Variants in ABCC1 observed in about 807,000 individuals in gnomAD.
ABCC1 encodes the protein ATP binding cassette subfamily C member 1 (ABCC1 blood group).
In ABCC1, 83 loss-of-function variants were observed where a neutral mutation model predicts 172.9. The ratio of observed to expected loss-of-function variants is 0.48; its 90% CI spans 0.40 to 0.58. The LOEUF is 0.58. Among genes scored for constraint, ABCC1 ranks in the 20% least tolerant of loss-of-function variants. The pLI, the probability that ABCC1 is intolerant of heterozygous loss-of-function variation, is 0.00. For synonymous variants in ABCC1, 937 were observed against 825.2 expected (o/e 1.14, Z -2.32); for missense variants, 1,817 against 2,002.7 (o/e 0.91, Z 1.77).
intron 23 of ABCC1, among the ~76,000 whole-genome samples, chr16:16,119,021 A>G (rs1439110336): frequency 6.6e-6 from 1 of 152,216 alleles, no homozygotes; most frequent in African/African-American, 2.4e-5. Context: ...ATATAATTAT[A>G]CAATTTATGG....
At position 16,067,126 on chromosome 16, in the gene ABCC1, T is replaced by G. The variant is rs559037049; in HGVS notation, c.1678-1030T>G. On this transcript the variant is annotated intron_variant, in intron 12 of 30. Transcript: ENST00000399410. ...CTAGCCGGGCATGGTGGTATGCGCC[T>G]GTAGTCCTAGCTACTCGGGAGGCTG... 3.9e-5 allele frequency among the ~76,000 whole-genome samples: 6 copies of G among 152,266 alleles called. No individual in the cohort carries two copies. In the East Asian group the frequency reaches 1.2e-3, roughly 29 times the overall value.
At chr16:16,104,313 G>T (rs964580633) in intron 20 of ABCC1, among the ~76,000 whole-genome samples, 4 of 152,180 alleles carry the variant, frequency 2.6e-5, no homozygotes, top group African/African-American at 9.7e-5. Context: ...TTTACAGAGA[G>T]CCGATTGGTC....
At chr16:16,107,127 C>T (rs757989993) in intron 21 of ABCC1, among the ~76,000 whole-genome samples, 27 of 152,230 alleles carry the variant, frequency 1.8e-4, no homozygotes, top group Non-Finnish European at 3.4e-4. Flanking sequence ...AGTCTCTGCT[C>T]TATTGACTGC....
At chr16:15,984,239 G>A (rs1345874879) in intron 1 of ABCC1, among the ~76,000 whole-genome samples, 1 of 152,128 alleles carries the variant, frequency 6.6e-6, no homozygotes, top group Non-Finnish European at 1.5e-5. Flanking sequence ...ACAGATGTGC[G>A]GCAGCCTCCA....
chr16:16,067,971 C>T (rs970203068), intron 12 of ABCC1, among the ~76,000 whole-genome samples, 185 bp from the exon 13 acceptor site: 12 of 152,132 alleles, frequency 7.9e-5, no homozygotes, highest in African/African-American at 2.4e-4. Context: ...AGTTCATTCC[C>T]AGAGTGTTTA....
intron 6 of ABCC1, among the ~76,000 whole-genome samples, chr16:16,033,710 G>T (rs908790204): frequency 6.6e-6 from 1 of 151,738 alleles, no homozygotes; most frequent in African/African-American, 2.4e-5. Flanking sequence ...ACAAGTCTCC[G>T]CCTCCCAGGT....
chr16:16,015,610 G>T (rs1410416077), intron 4 of ABCC1, among the ~76,000 whole-genome samples: 3 of 152,200 alleles, frequency 2.0e-5, no homozygotes, highest in African/African-American at 7.2e-5. Flanking sequence ...AAAGTGCCTC[G>T]CAGGGGACTG....
At chr16:16,054,399 T>C (rs1299666212) in intron 11 of ABCC1, among the ~76,000 whole-genome samples, 1 of 152,208 alleles carries the variant, frequency 6.6e-6, no homozygotes, top group Non-Finnish European at 1.5e-5. Flanking sequence ...CTGTGCCGTA[T>C]AGCTTCAATT....
At chr16:16,140,614 C>T (rs559940786) in intron 30 of ABCC1, among the ~76,000 whole-genome samples, 1 of 152,312 alleles carries the variant, frequency 6.6e-6, no homozygotes, top group East Asian at 1.9e-4. Flanking sequence ...TCAAATCTTA[C>T]AGGACCTAAA....
At chr16:16,077,683 G>A (rs929399897) in intron 15 of ABCC1, among the ~76,000 whole-genome samples, 1 of 152,170 alleles carries the variant, frequency 6.6e-6, no homozygotes, top group Admixed American at 6.5e-5. Context: ...AGTGTCATAA[G>A]AATGAAACAA....
chr16:15,983,876 T>C (rs2046685970), intron 1 of ABCC1, among the ~76,000 whole-genome samples: 3 of 152,020 alleles, frequency 2.0e-5, no homozygotes, highest in African/African-American at 7.3e-5. Context: ...TTTTAAAGAC[T>C]AAATTCCCTT....
chr16:16,142,750 C>A lies in ABCC1; in HGVS notation c.*1469C>A, dbSNP rs149585047. ...TTGAAACCGTGTTGGTCTCTGTGTTCCTGGAAGAAAACAGGGAAGCAGCAT... is the reference window on the plus strand; with the variant it reads ...TTGAAACCGTGTTGGTCTCTGTGTTACTGGAAGAAAACAGGGAAGCAGCAT... On this transcript the variant is annotated 3_prime_UTR_variant, in exon 31 of 31. Transcript: ENST00000399410. 6.6e-6 allele frequency: 1 copy of A among 152,206 alleles called. No individual in the cohort carries two copies. The highest frequency in any genetic ancestry group is 6.6e-5 in the Admixed American group (1 of 15,260). The allele number at this position is 152,206 out of a possible 1,614,324, so 9.4% of individuals were successfully genotyped here. A position where few individuals can be genotyped will look rare whatever the true frequency, so the allele number is the denominator to read the frequency against.
chr16:15,992,212 C>G (rs1283808066), intron 1 of ABCC1, among the ~76,000 whole-genome samples: 1 of 151,478 alleles, frequency 6.6e-6, no homozygotes. Context: ...CATCTAGTTG[C>G]AGGAAAACAA....
chr16:16,087,276 G>T (rs1048746342), intron 18 of ABCC1, among the ~76,000 whole-genome samples: 2 of 152,162 alleles, frequency 1.3e-5, no homozygotes, highest in African/African-American at 4.8e-5. Context: ...TCTTAGCGGG[G>T]AATCCCACTC....
intron 17 of ABCC1, among the ~76,000 whole-genome samples, chr16:16,085,796 G>A (rs1053591020): frequency 4.6e-5 from 7 of 152,116 alleles, no homozygotes; most frequent in African/African-American, 7.2e-5. Context: ...CAAAAAGAAG[G>A]CACGTGGCTG....
At chr16:16,102,579 A>G in intron 19 of ABCC1, 48 bp from the exon 20 acceptor site, 2 of 1,536,706 alleles carry the variant, frequency 1.3e-6, no homozygotes, top group Non-Finnish European at 1.8e-6. Context: ...TGGTTTTAGC[A>G]TCTGCCTCAT....
intron 1 of ABCC1, among the ~76,000 whole-genome samples, chr16:15,995,179 G>C (rs1244741884): frequency 6.6e-6 from 1 of 151,924 alleles, no homozygotes; most frequent in African/African-American, 2.4e-5. Context: ...GCTGCTTGCA[G>C]GTTATATATG....
chr16:16,082,663 A>C (rs1225337683), intron 16 of ABCC1, among the ~76,000 whole-genome samples: 1 of 152,136 alleles, frequency 6.6e-6, no homozygotes, highest in Non-Finnish European at 1.5e-5. Context: ...AATTTTTTTG[A>C]GACAGGATCT....
chr16:16,139,242 G>C (rs1358949141), intron 30 of ABCC1, among the ~76,000 whole-genome samples: 1 of 152,188 alleles, frequency 6.6e-6, no homozygotes, highest in East Asian at 1.9e-4. Context: ...AGCGAGTGCT[G>C]GGCAGGGCCA....
Sources: gnomAD v4.1 joint callset for allele counts (sites outside exome capture counted in the v4.1 genomes callset) on GRCh38, gnomAD v4.1.1 for gene constraint, MANE v1.5 for transcripts, NCBI Gene and HGNC (gene_info 2026-07-23, HGNC 2026-07-21) for gene names.